The following PAK3 variants were observed in gnomAD, a reference collection of about 807,000 sequenced individuals.
PAK3 encodes the protein p21 (RAC1) activated kinase 3.
In PAK3, 4 loss-of-function variants were observed where a neutral mutation model predicts 41.0. That is an observed-to-expected ratio of 0.10 (90% confidence interval 0.05 to 0.22). PAK3 has a LOEUF of 0.22. PAK3 is among the 10% of genes least tolerant of loss of function. The pLI, the probability that PAK3 is intolerant of heterozygous loss-of-function variation, is 1.00. For synonymous variants in PAK3, 146 were observed against 139.6 expected, an observed-to-expected ratio of 1.05 and a Z score of -0.32; for missense variants, 205 against 409.9, an observed-to-expected ratio of 0.50 and a Z score of 4.32.
At position 111,103,292 on chromosome X, in the gene PAK3, C is replaced by G. The variant is rs1246472773; in HGVS notation, c.-42C>G. ...GCCCACCTGTGCTGAAGTCCTGCAG[C>G]GGTGGCGGTGTGAGGTGAGTAATGG... On this transcript the variant is annotated 5_prime_UTR_variant, in exon 4 of 18. Coordinates refer to ENST00000372007, the MANE Select transcript of PAK3 (RefSeq NM_002578.5). The G allele has an allele frequency of 3.6e-5, 4 of 112,385 alleles. No homozygotes were observed. Among genetic ancestry groups the G allele is most frequent in the Non-Finnish European group, 7.5e-5 (4 of 53,281 alleles). The allele number at this position is 112,385 out of a possible 1,213,427, so 9.3% of individuals were successfully genotyped here.
intron 5 of PAK3, among the ~76,000 whole-genome samples, chrX:111,124,902 C>T (rs971694208): frequency 6.3e-5 from 7 of 111,408 alleles, no homozygotes; most frequent in African/African-American, 2.3e-4. Context: ...AATTCAAAGT[C>T]CTGCTGATTC....
intron 1 of PAK3, among the ~76,000 whole-genome samples, chrX:111,068,340 C>T (rs1471795097): frequency 8.9e-6 from 1 of 112,151 alleles, no homozygotes; most frequent in Admixed American, 9.4e-5. Context: ...GGCTCTGTTG[C>T]CCAGGCTGGA....
At chrX:111,122,505 C>G (rs1199150591) in intron 4 of PAK3, among the ~76,000 whole-genome samples, 3 of 110,219 alleles carry the variant, frequency 2.7e-5, no homozygotes, top group African/African-American at 9.9e-5. Flanking sequence ...CACTCCAACT[C>G]TGTTGAAACT....
chrX:111,120,360 T>C (rs2093547703), intron 4 of PAK3, among the ~76,000 whole-genome samples: 2 of 111,466 alleles, frequency 1.8e-5, no homozygotes, highest in Admixed American at 1.9e-4. Context: ...TTATACTTGG[T>C]CAAATAAAGT....
At chrX:111,155,525 A>G (rs1373304489) in intron 8 of PAK3, among the ~76,000 whole-genome samples, 1 of 109,198 alleles carries the variant, frequency 9.2e-6, no homozygotes, top group Non-Finnish European at 1.9e-5. Context: ...ACCCAACAAT[A>G]TGGATAGTAT....
At chrX:110,977,307 T>C (rs191492496) in intron 1 of PAK3, among the ~76,000 whole-genome samples, 122 of 111,068 alleles carry the variant, frequency 1.1e-3, no homozygotes, top group African/African-American at 3.7e-3. Flanking sequence ...TAAGTTTTAA[T>C]ATTGGGAAGT....
intron 1 of PAK3, among the ~76,000 whole-genome samples, chrX:111,020,732 G>A (rs1159117723): frequency 1.8e-5 from 2 of 111,876 alleles, no homozygotes; most frequent in East Asian, 2.8e-4. Flanking sequence ...TTCTCAGCCA[G>A]TGGGGAGGCT....
At chrX:111,206,039 G>A (rs780705377) in intron 16 of PAK3, among the ~76,000 whole-genome samples, 8 of 111,328 alleles carry the variant, frequency 7.2e-5, no homozygotes, top group Non-Finnish European at 1.3e-4. Flanking sequence ...GAGAAGTTTT[G>A]TGGGAAAAGG....
At chrX:110,981,622 G>GA (rs2091449330) in intron 1 of PAK3, among the ~76,000 whole-genome samples, 1 of 110,561 alleles carries the variant, frequency 9.0e-6, no homozygotes, top group African/African-American at 3.3e-5. Flanking sequence ...AACATTTGGG[G>GA]AATCTGAGTG....
At position 110,969,419 on chromosome X, in the gene PAK3, G is replaced by C. The variant is rs1446204868; in HGVS notation, c.-28+24791G>C. ...GTGCTTCAGCCCCCTGAGTAGCTGG[G>C]ATTACAGGCGTGTGCTACCAGACGT... On this transcript the variant is annotated intron_variant, in intron 1 of 14. Coordinates refer to the PAK3 transcript ENST00000425146. Among the ~76,000 whole-genome samples the C allele has an allele frequency of 2.9e-5, 3 of 103,711 alleles. No homozygotes were observed. In the Admixed American group the frequency reaches 3.2e-4, roughly 11 times the overall value. The allele number at this position is 103,711 out of a possible 115,157, so 90.1% of individuals were successfully genotyped here.
chrX:111,078,871 G>A (rs2092809405), intron 1 of PAK3, among the ~76,000 whole-genome samples: 1 of 111,928 alleles, frequency 8.9e-6, no homozygotes, highest in Non-Finnish European at 1.9e-5. Context: ...AAACAAAACA[G>A]ACTTATTGCT....
chrX:111,014,410 A>C (rs1253485996), intron 1 of PAK3, among the ~76,000 whole-genome samples: 1 of 111,588 alleles, frequency 9.0e-6, no homozygotes, highest in Non-Finnish European at 1.9e-5. Flanking sequence ...AAATATGTAG[A>C]CACACTGTAG....
At chrX:111,065,011 G>C (rs1266697108) in intron 1 of PAK3, among the ~76,000 whole-genome samples, 1 of 112,226 alleles carries the variant, frequency 8.9e-6, no homozygotes, top group Admixed American at 9.4e-5. Context: ...AAGATAGATA[G>C]TTCAACTTCT....
Position 111,220,778 on chromosome X carries a change from T to G in PAK3, c.*331T>G, listed in dbSNP as rs1233420115. The stretch of plus-strand genomic sequence containing the variant: ...CTCAAAGATGCACACTCCCTCTTCA[T>G]AGTGTTGTGTTTGTTTTTAAGTTAG... On this transcript the variant is annotated 3_prime_UTR_variant, in exon 18 of 18. Transcript: ENST00000372007. 2 of 224,585 alleles carry G rather than the reference T, an allele frequency of 8.9e-6. No individual in the cohort carries two copies. The highest frequency in any genetic ancestry group is 5.8e-5 in the African/African-American group (2 of 34,687). The allele number at this position is 224,585 out of a possible 1,213,427, so 18.5% of individuals were successfully genotyped here.
At chrX:111,035,712 G>A (rs192738611) in intron 1 of PAK3, among the ~76,000 whole-genome samples, 2 of 112,352 alleles carry the variant, frequency 1.8e-5, no homozygotes, top group East Asian at 5.6e-4. Context: ...ACTCTGTGTT[G>A]GCACCATGTT....
intron 16 of PAK3, among the ~76,000 whole-genome samples, chrX:111,205,689 G>T (rs1002725176): frequency 1.8e-5 from 2 of 111,169 alleles, no homozygotes; most frequent in African/African-American, 6.6e-5. Context: ...GGGACACAAG[G>T]TTCCTCACTC....
At chrX:111,083,503 T>C (rs953503168) in intron 1 of PAK3, among the ~76,000 whole-genome samples, 5 of 112,582 alleles carry the variant, frequency 4.4e-5, no homozygotes, top group Non-Finnish European at 7.5e-5. Flanking sequence ...GGCTAGATTT[T>C]GTTCCCTTTC....
intron 1 of PAK3, among the ~76,000 whole-genome samples, chrX:110,971,192 T>G (rs1301735926): frequency 8.9e-6 from 1 of 112,321 alleles, no homozygotes; most frequent in Non-Finnish European, 1.9e-5. Flanking sequence ...GAATCAATTT[T>G]ATTCAGTGCT....
intron 1 of PAK3, among the ~76,000 whole-genome samples, chrX:111,086,883 T>C (rs778404216): frequency 8.0e-5 from 9 of 112,058 alleles, no homozygotes; most frequent in Non-Finnish European, 1.5e-4. Context: ...CTGAGCTGCC[T>C]AGACTCTCAA....
Sources: gnomAD v4.1 joint callset for allele counts (sites outside exome capture counted in the v4.1 genomes callset) on GRCh38, gnomAD v4.1.1 for gene constraint, MANE v1.5 for transcripts, NCBI Gene and HGNC (gene_info 2026-07-23, HGNC 2026-07-21) for gene names.